ESPL1: variants seen among roughly 807,000 people sequenced by gnomAD.
ESPL1 encodes separin.
Under a neutral mutation model 217.2 loss-of-function variants are expected in ESPL1, and 50 were observed. That is an observed-to-expected ratio of 0.23 (90% CI 0.18 to 0.29). The LOEUF is 0.29. ESPL1 is among the 10% of genes least tolerant of loss of function. The probability of loss-of-function intolerance (pLI) is 1.00; values close to 1 mark genes in which losing one functional copy is unlikely to be tolerated. For missense variants in ESPL1, 1,834 were observed against 2,603.0 expected (o/e 0.70, Z 6.43); for synonymous variants, 994 against 1,081.3 (o/e 0.92, Z 1.58).
At chr12:53,290,279 T>C in intron 23 of ESPL1, 67 bp downstream of exon 23, 1 of 1,610,784 alleles carries the variant, frequency 6.2e-7, no homozygotes, top group Non-Finnish European at 8.5e-7. Flanking sequence ...GCTCACATTC[T>C]GTGTTGAGGG....
chr12:53,274,997 G>A lies in ESPL1; in HGVS notation c.1687G>A (p.Glu563Lys). 2.6e-6 allele frequency: 4 copies of A among 1,540,384 alleles called. No individual in the cohort carries two copies. In the South Asian group the frequency reaches 5.0e-5, roughly 19 times the overall value. ...GGATGCGGCCAGGGCTGGAGACAAG[G>A]AGCTACAGCTAAAGTGAGTTGAGGG... ...KMDAARAGDK[E>K]LQLKTLRDSL... The change falls in exon 7 of 31, where the codon GAG becomes AAG. Residue 563 changes from glutamate (E) to lysine (K), a missense_variant. Glu to Lys is a moderately conservative substitution (Grantham distance 56, BLOSUM62 1). Around this residue, in one of 5 missense-constraint regions of ESPL1, gnomAD observed 746 missense variants for 1,077.0 expected, o/e 0.69. Transcript: ENST00000257934.
rs765195130 is a variant in ESPL1 at position 53,274,962 on chromosome 12, G to A, written c.1652G>A (p.Arg551Gln). The A allele has an allele frequency of 5.0e-6, 8 of 1,584,170 alleles. No homozygotes were observed. The highest frequency in any genetic ancestry group is 4.1e-5 in the African/African-American group (3 of 73,646). The part of the protein sequence containing the change: ...HMAEPVTFWV[R>Q]VKMDAARAGD... ...GCTGAGCCAGTCACTTTCTGGGTTCGGGTCAAGATGGATGCGGCCAGGGCT... is the reference window on the plus strand; with the variant it reads ...GCTGAGCCAGTCACTTTCTGGGTTCAGGTCAAGATGGATGCGGCCAGGGCT... Residue 551 changes from arginine to glutamine, a missense_variant, in exon 7 of 31, where the codon CGG becomes CAG. By Grantham distance (43) the Arg-to-Gln change is conservative (BLOSUM62 1). Transcript: ENST00000257934.
At chr12:53,274,722 C>A in intron 6 of ESPL1, 95 bp from the exon 7 acceptor site, 1 of 1,020,934 alleles carries the variant, frequency 9.8e-7, no homozygotes, top group Non-Finnish European at 1.5e-6. Context: ...CCCGCCCCCT[C>A]ATGTGGTGTA....
At position 53,289,243 on chromosome 12, in the gene ESPL1, C is replaced by T. The variant is rs200442902; in HGVS notation, c.4862C>T (p.Thr1621Ile). 227 of 1,612,890 alleles carry T rather than the reference C, an allele frequency of 1.4e-4. No individual in the cohort carries two copies. Among genetic ancestry groups the T allele is most frequent in the Non-Finnish European group, 1.7e-4 (200 of 1,180,032 alleles). ...CCTTATGCCACTGCTTTCCTTGTCA[C>T]CGAGTCTGTCTCCATCACCTGTCGC... ...RDPYATAFLV[T>I]ESVSITCRHQ... is the part of the protein sequence containing the mutation. The change falls in exon 21 of 31, where the codon ACC (threonine) becomes ATC (isoleucine). Residue 1621 changes from threonine (T) to isoleucine (I), a missense_variant. Thr to Ile is a moderately conservative substitution (Grantham distance 89, BLOSUM62 -1). Around this residue, in one of 5 missense-constraint regions of ESPL1, gnomAD observed 681 missense variants for 808.0 expected, o/e 0.84. Transcript: ENST00000257934.
chr12:53,277,529 T>C lies in ESPL1; in HGVS notation c.2145T>C (p.Asn715=), dbSNP rs1224626662. The change falls in exon 10 of 31, where the codon AAT becomes AAC. Residue 715 remains asparagine, a synonymous_variant. Coordinates refer to ENST00000257934, the MANE Select transcript of ESPL1 (RefSeq NM_012291.5). ...APGNLEEFEV[N]DLNYEDKLQE... ...GTAACTTGGAGGAATTTGAAGTCAA[T>C]GACCTGAACTATGAAGATAAACTCC... The C allele has an allele frequency of 1.9e-6, 3 of 1,614,140 alleles. No homozygotes were observed. Among genetic ancestry groups the C allele is most frequent in the Non-Finnish European group, 2.5e-6 (3 of 1,179,986 alleles).
intron 9 of ESPL1, 32 bp from the exon 10 acceptor site, chr12:53,277,438 G>T: frequency 6.2e-7 from 1 of 1,607,800 alleles, no homozygotes; most frequent in Non-Finnish European, 8.5e-7. Flanking sequence ...ACACCACTGT[G>T]CCCTGTTTTA....
intron 9 of ESPL1, 21 bp downstream of exon 9, chr12:53,277,248 G>C: frequency 9.4e-6 from 15 of 1,600,150 alleles, no homozygotes; most frequent in Non-Finnish European, 1.3e-5. Context: ...CTGCTGTGGG[G>C]CTCACCAGAA....
In ESPL1 at chr12:53,277,952, G is replaced by C; in HGVS notation, c.2356G>C (p.Val786Leu). 1 of 1,613,578 alleles carries C rather than the reference G, an allele frequency of 6.2e-7. No homozygotes were observed. Among genetic ancestry groups the C allele is most frequent in the Non-Finnish European group, 8.5e-7 (1 of 1,179,916 alleles). Residue 786 changes from valine to leucine, a missense_variant, in exon 11 of 31, where the codon GTG (valine) becomes CTG (leucine). This residue lies in a region of ESPL1 where 746 missense variants were observed against 1,077.0 expected (regional missense o/e 0.69). Transcript: ENST00000257934. ...GATCCTAGCAGCCCTCTACCAGCTG[G>C]TGGCAAAGGTAATGGGGTGGGGCAT... ...LQILAALYQLVAKPMQALEVL... is the reference protein window; with the variant it reads ...LQILAALYQLLAKPMQALEVL...
At position 53,289,257 on chromosome 12, in the gene ESPL1, A is replaced by G. The variant is rs781129212; in HGVS notation, c.4876A>G (p.Ile1626Val). 43 of 1,612,178 alleles carry G rather than the reference A, an allele frequency of 2.7e-5. No homozygotes were observed. In the Admixed American group the frequency reaches 6.8e-4, roughly 26 times the overall value. ...TTTCCTTGTCACCGAGTCTGTCTCC[A>G]TCACCTGTCGCCACCAGCTGCTCAC... ...TAFLVTESVSITCRHQLLTHL... is the reference protein window; with the variant it reads ...TAFLVTESVSVTCRHQLLTHL... The change falls in exon 21 of 31, where the codon ATC becomes GTC. Residue 1626 changes from isoleucine to valine, a missense_variant. Ile to Val is a conservative substitution (Grantham distance 29). This residue lies in a region of ESPL1 where 681 missense variants were observed against 808.0 expected (regional missense o/e 0.84). Transcript: ENST00000257934.
intron 25 of ESPL1, among the ~76,000 whole-genome samples, chr12:53,291,474 C>T (rs997528161): frequency 7.9e-5 from 12 of 151,904 alleles, no homozygotes; most frequent in Non-Finnish European, 1.3e-4. Context: ...GCCTGTAGTC[C>T]GAGCTACTCA....
intron 11 of ESPL1, 142 bp from the exon 12 acceptor site, chr12:53,279,590 T>C: frequency 1.1e-6 from 1 of 914,000 alleles, no homozygotes; most frequent in Non-Finnish European, 1.7e-6. Flanking sequence ...GGTGGGGTGA[T>C]GATTGCTTCA....
intron 5 of ESPL1, among the ~76,000 whole-genome samples, chr12:53,271,178 T>TTG (rs1565751354): frequency 7.5e-5 from 11 of 147,182 alleles, no homozygotes; most frequent in Non-Finnish European, 1.3e-4. Context: ...AAGTGTTTTT[T>TTG]TTTTTTTTTT....
At chr12:53,274,325 C>A (rs964005112) in intron 6 of ESPL1, 28 of 155,490 alleles carry the variant, frequency 1.8e-4, no homozygotes, top group African/African-American at 6.3e-4. Flanking sequence ...CCTGACTTCG[C>A]TGTGATGAAT....
chr12:53,275,180 T>TCACACATGTAATCCCAG (rs1283024674), intron 7 of ESPL1, among the ~76,000 whole-genome samples, 170 bp downstream of exon 7: 1 of 151,762 alleles, frequency 6.6e-6, no homozygotes, highest in African/African-American at 2.4e-5. Flanking sequence ...GCACAGTGGC[T>TCACACATGTAATCCCAG]CACACATGTA....
At chr12:53,289,616 C>A in intron 22 of ESPL1, 22 bp downstream of exon 22, 1 of 1,602,974 alleles carries the variant, frequency 6.2e-7, no homozygotes, top group South Asian at 1.1e-5. Context: ...GCCTTCTGGC[C>A]GGCTCCTCTG....
chr12:53,289,701 A>G, intron 22 of ESPL1, 107 bp downstream of exon 22: 1 of 919,892 alleles, frequency 1.1e-6, no homozygotes, highest in Non-Finnish European at 1.6e-6. Context: ...TAGATTTATG[A>G]CCCTTATGTC....
Position 53,281,558 on chromosome 12 carries a change from G to T in ESPL1, c.2551G>T (p.Asp851Tyr). The change falls in exon 13 of 31, where the codon GAC becomes TAC. Residue 851 changes from aspartate to tyrosine, a missense_variant. Around this residue, in one of 5 missense-constraint regions of ESPL1, gnomAD observed 746 missense variants for 1,077.0 expected, o/e 0.69. Transcript: ENST00000257934. ...CCTGAAGCATCTCGATCAGACTACT[G>T]ACACATACCTGCTCCTTTCCCTGAC... ...SSLKHLDQTT[D>Y]TYLLLSLTCD... The T allele has an allele frequency of 6.2e-7, 1 of 1,613,778 alleles. No individual in the cohort carries two copies.
In ESPL1 at chr12:53,269,971, C is replaced by G. The variant is rs747997021; in HGVS notation, c.1029C>G (p.Phe343Leu). 6.2e-7 allele frequency: 1 copy of G among 1,614,202 alleles called. No individual in the cohort carries two copies. The highest frequency in any genetic ancestry group is 8.5e-7 in the Non-Finnish European group (1 of 1,180,040). Residue 343 changes from phenylalanine (F) to leucine (L), a missense_variant, in exon 3 of 31, where the codon TTC (phenylalanine) becomes TTG (leucine). Transcript: ENST00000257934. The surrounding 1 kb of genome is among the most constrained non-coding windows in gnomAD (Gnocchi z 6.7). ...CATTGTATGAGAGCTGCCAGTTCTT[C>G]CTTTCAGGCCTGGAACGAGGCACCA... ...LRALYESCQF[F>L]LSGLERGTKR...
intron 20 of ESPL1, 116 bp from the exon 21 acceptor site, chr12:53,288,974 T>C (rs1944006151): frequency 1.2e-6 from 1 of 851,006 alleles, no homozygotes; most frequent in Non-Finnish European, 1.9e-6. Flanking sequence ...CCTTCATAAA[T>C]GGTAGTTGCT....
Sources: allele counts gnomAD v4.1 joint callset (sites outside exome capture counted in the v4.1 genomes callset), GRCh38; gene constraint gnomAD v4.1.1; regional missense constraint gnomAD v4.1.1; non-coding constraint Gnocchi (gnomAD v3.1); transcripts MANE v1.5; gene names NCBI Gene and HGNC (gene_info 2026-07-23, HGNC 2026-07-21).